The following DTNA variants were observed in gnomAD, a reference collection of about 807,000 sequenced individuals.
DTNA encodes dystrobrevin alpha, also known as dystrophin-related protein 3.
Under a neutral mutation model 100.7 loss-of-function variants are expected in DTNA, and 43 were observed. That is an observed-to-expected ratio of 0.43 (90% CI 0.33 to 0.55). The LOEUF (loss-of-function observed/expected upper bound fraction) is 0.55, where lower values mean the gene tolerates loss of function less well. Among genes scored for constraint, DTNA ranks in the 20% least tolerant of loss-of-function variants. The pLI is 0.04. For missense variants in DTNA, 798 were observed against 953.9 expected (o/e 0.84, Z 2.15); for synonymous variants, 349 against 347.9 (o/e 1.00, Z -0.04).
chr18:34,747,104 C>CTATCTATATATATATATATATA (rs1041438583), intron 1 of DTNA, among the ~76,000 whole-genome samples: 8 of 148,228 alleles, frequency 5.4e-5, no homozygotes, highest in African/African-American at 1.8e-4. Flanking sequence ...ATATCTGTAT[C>CTATCTATATATATATATATATA]TATATATATA....
At chr18:34,551,806 G>A (rs1370612070) in intron 1 of DTNA, among the ~76,000 whole-genome samples, 1 of 152,110 alleles carries the variant, frequency 6.6e-6, no homozygotes, top group Non-Finnish European at 1.5e-5. Context: ...AAACCTTTCA[G>A]TGACTTTCTC....
rs555402533 is a variant in DTNA, at chr18:34,558,395, C to G, written c.-2+64881C>G. Among the ~76,000 whole-genome samples the G allele has an allele frequency of 2.2e-4, 34 of 152,216 alleles. No individual in the cohort carries two copies. The South Asian group carries it at 6.9e-3, about 31-fold the overall frequency. ...TATTCGGCCATCTTGGCTCTTCCCCCCTAGTTTGCTTATTTTTAATTCATT... is the reference window on the plus strand; with the variant it reads ...TATTCGGCCATCTTGGCTCTTCCCCGCTAGTTTGCTTATTTTTAATTCATT... On this transcript the variant is annotated intron_variant, in intron 1 of 19. Transcript: ENST00000283365.
At chr18:34,588,394 A>C (rs1050471253) in intron 1 of DTNA, among the ~76,000 whole-genome samples, 6 of 151,802 alleles carry the variant, frequency 4.0e-5, no homozygotes, top group African/African-American at 1.4e-4. Flanking sequence ...CCAACCCCCT[A>C]CCTATAGTGT....
At chr18:34,552,364 AT>A (rs1216396539) in intron 1 of DTNA, among the ~76,000 whole-genome samples, 4 of 150,360 alleles carry the variant, frequency 2.7e-5, no homozygotes, top group African/African-American at 4.9e-5. Flanking sequence ...TGGTTTGCTT[AT>A]TTTTTTTTAA....
chr18:34,827,420 T>C (rs1213202442), intron 9 of DTNA, among the ~76,000 whole-genome samples, 173 bp from the exon 10 acceptor site: 1 of 152,230 alleles, frequency 6.6e-6, no homozygotes, highest in African/African-American at 2.4e-5. Flanking sequence ...CTCAAGGAAA[T>C]GTAACTTTAA....
intron 14 of DTNA, among the ~76,000 whole-genome samples, chr18:34,850,068 C>A (rs1389535130): frequency 3.3e-5 from 5 of 152,182 alleles, no homozygotes; most frequent in Admixed American, 6.5e-5. Context: ...AGGAAAGATA[C>A]CGTCCACACA....
At chr18:34,868,646 T>C in intron 17 of DTNA, 1 of 985,466 alleles carries the variant, frequency 1.0e-6, no homozygotes, top group Non-Finnish European at 1.2e-6. Flanking sequence ...ATGTAGTGTT[T>C]TATTATACTG....
chr18:34,874,978 A>G (rs1303048931), intron 17 of DTNA, among the ~76,000 whole-genome samples: 1 of 152,238 alleles, frequency 6.6e-6, no homozygotes, highest in East Asian at 1.9e-4. Context: ...TTTTATGGGC[A>G]CATGTCCCAT....
upstream of DTNA, among the ~76,000 whole-genome samples, chr18:34,706,985 C>T (rs960736960): frequency 6.6e-6 from 1 of 152,074 alleles, no homozygotes; most frequent in African/African-American, 2.4e-5. Flanking sequence ...CAATAAAGCA[C>T]TTTGTGGTAT....
intron 1 of DTNA, among the ~76,000 whole-genome samples, chr18:34,641,775 G>T (rs1212388545): frequency 6.6e-6 from 1 of 152,134 alleles, no homozygotes; most frequent in East Asian, 1.9e-4. Context: ...TAAATAAGTT[G>T]ATATAAGGAC....
intron 1 of DTNA, among the ~76,000 whole-genome samples, chr18:34,632,917 A>T (rs1027797392): frequency 6.6e-6 from 1 of 152,168 alleles, no homozygotes; most frequent in Non-Finnish European, 1.5e-5. Context: ...CCAGATTATC[A>T]TTCATTTTTA....
At chr18:34,845,077 T>C (rs1427459157) in intron 13 of DTNA, among the ~76,000 whole-genome samples, 1 of 152,148 alleles carries the variant, frequency 6.6e-6, no homozygotes, top group Admixed American at 6.6e-5. Context: ...GGAGAAAGTG[T>C]TGGAATTGGT....
intron 1 of DTNA, among the ~76,000 whole-genome samples, chr18:34,750,297 G>A (rs2092190336): frequency 6.6e-6 from 1 of 152,124 alleles, no homozygotes; most frequent in South Asian, 2.1e-4. Context: ...TGGACACTGG[G>A]AATTCTTTTA....
At chr18:34,780,923 C>G (rs2094291304) in intron 3 of DTNA, among the ~76,000 whole-genome samples, 1 of 152,230 alleles carries the variant, frequency 6.6e-6, no homozygotes, top group Admixed American at 6.5e-5. Context: ...CCTAGCTGCT[C>G]TGTCCTGCAT....
chr18:34,613,881 C>T (rs1465558986), intron 1 of DTNA, among the ~76,000 whole-genome samples: 1 of 152,188 alleles, frequency 6.6e-6, no homozygotes, highest in African/African-American at 2.4e-5. Context: ...AAGATAACTC[C>T]ACTAAGCAAC....
At chr18:34,734,524 T>C (rs962280744) in intron 1 of DTNA, among the ~76,000 whole-genome samples, 6 of 152,170 alleles carry the variant, frequency 3.9e-5, no homozygotes, top group African/African-American at 1.4e-4. Context: ...GCCACTTGCA[T>C]GATAAGAGCT....
chr18:34,682,516 C>T (rs2078274864), intron 1 of DTNA, among the ~76,000 whole-genome samples: 1 of 152,130 alleles, frequency 6.6e-6, no homozygotes, highest in African/African-American at 2.4e-5. Flanking sequence ...TCCTGTTGCT[C>T]CATATCCTCT....
chr18:34,560,488 T>C (rs1174581774), intron 1 of DTNA, among the ~76,000 whole-genome samples: 1 of 152,216 alleles, frequency 6.6e-6, no homozygotes, highest in Non-Finnish European at 1.5e-5. Context: ...GAAATAAGCC[T>C]ACACATAGTT....
At chr18:34,644,303 C>T (rs187345882) in intron 1 of DTNA, among the ~76,000 whole-genome samples, 83 of 152,232 alleles carry the variant, frequency 5.5e-4, no homozygotes, top group Non-Finnish European at 9.9e-4. Context: ...ACTGTATTAT[C>T]ATCAAGAGGA....
Sources: gnomAD v4.1 joint callset for allele counts (sites outside exome capture counted in the v4.1 genomes callset) on GRCh38, gnomAD v4.1.1 for gene constraint, MANE v1.5 for transcripts, NCBI Gene and HGNC (gene_info 2026-07-23, HGNC 2026-07-21) for gene names.